ANKRD62: variants seen among roughly 807,000 people sequenced by gnomAD.
ANKRD62 encodes ankyrin repeat domain-containing protein 62.
In ANKRD62, 61 loss-of-function variants were observed where a neutral mutation model predicts 98.8. The ratio of observed to expected loss-of-function variants is 0.62; its 90% confidence interval spans 0.50 to 0.76. The LOEUF is 0.76. Ranked by LOEUF, ANKRD62 falls within the 30% of genes least tolerant of loss-of-function variation. The probability of loss-of-function intolerance (pLI) is 0.00; values close to 1 mark genes in which losing one functional copy is unlikely to be tolerated. For synonymous variants in ANKRD62, 341 were observed against 367.9 expected, an observed-to-expected ratio of 0.93 and a Z score of 0.84; for missense variants, 933 against 1,082.9, an observed-to-expected ratio of 0.86 and a Z score of 1.94.
rs75105031 is a variant in ANKRD62 at position 12,106,912 on chromosome 18, G to A, written c.892-383G>A. On this transcript the variant is annotated intron_variant, in intron 7 of 13. Transcript: ENST00000587848. ...CATCCTCTAAATCTGGCCGTTTAGT[G>A]TAAACTCCAGGAGGTAAAGATAGAA... 4.8e-3 allele frequency among the ~76,000 whole-genome samples: 736 copies of A among 152,250 alleles called. 2 individuals are homozygous for A. Among genetic ancestry groups the A allele is most frequent in the African/African-American group, 0.016 (666 of 41,550 alleles).
In ANKRD62 at chr18:12,126,400, A is replaced by G. The variant is rs1311729639; in HGVS notation, c.2562+17A>G. 8.0e-6 allele frequency: 12 copies of G among 1,493,524 alleles called. No individual in the cohort carries two copies. The highest frequency in any genetic ancestry group is 1.1e-5 in the Non-Finnish European group (12 of 1,128,122). The allele number at this position is 1,493,524 out of a possible 1,614,324, so 92.5% of individuals were successfully genotyped here. A position where few individuals can be genotyped will look rare whatever the true frequency, so the allele number is the denominator to read the frequency against. On this transcript the variant is annotated intron_variant, in intron 13 of 13. Coordinates refer to ENST00000587848, the MANE Select transcript of ANKRD62 (RefSeq NM_001277333.2). ...GAAAGAGAAGTAAGTATCAAGAAAG[A>G]TAAGTATTTTTCAAACTTCCTGAAG... is the stretch of plus-strand genomic sequence containing the variant.
chr18:12,109,107 A>G (rs1489860902), intron 8 of ANKRD62, among the ~76,000 whole-genome samples: 1 of 152,150 alleles, frequency 6.6e-6, no homozygotes, highest in Non-Finnish European at 1.5e-5. Flanking sequence ...AGCTCTTCGA[A>G]GCAGTGCCCC....
At chr18:12,172,954 GA>G in the ANKRD62 span, among the ~76,000 whole-genome samples, 22 of 152,312 alleles carry the variant, frequency 1.4e-4, no homozygotes, top group Non-Finnish European at 2.9e-5. Flanking sequence ...AAGACCATAG[GA>G]AAAGCGCAGT....
intron 8 of ANKRD62, among the ~76,000 whole-genome samples, chr18:12,111,673 C>G (rs144445016): frequency 1.3e-5 from 2 of 152,134 alleles, no homozygotes; most frequent in East Asian, 3.9e-4. Context: ...AGTGTGAGGC[C>G]AAAATCTTCT....
At chr18:12,124,007 G>A (rs1909835911) in intron 11 of ANKRD62, 130 bp from the exon 12 acceptor site, 1 of 485,616 alleles carries the variant, frequency 2.1e-6, no homozygotes, top group South Asian at 3.2e-5. Flanking sequence ...GGAAGACATC[G>A]AAGTGAGAAA....
rs1442098109 is a variant in ANKRD62, at chr18:12,097,658, T to C, written c.633T>C (p.Ala211=). The change falls in exon 5 of 14, where the codon GCT becomes GCC. Residue 211 remains alanine, a synonymous_variant. Coordinates refer to ENST00000587848, the MANE Select transcript of ANKRD62 (RefSeq NM_001277333.2). ...DNFGRTALIL[A]ARNGSTSVVY... is the part of the protein sequence containing the mutation. ...ATTTTAGAACAGCCCTGATACTTGCTGCTCGTAATGGATCAACAAGTGTAG... is the reference window on the plus strand; with the variant it reads ...ATTTTAGAACAGCCCTGATACTTGCCGCTCGTAATGGATCAACAAGTGTAG... 2 of 1,535,078 alleles carry C rather than the reference T, an allele frequency of 1.3e-6. No individual in the cohort carries two copies. The highest frequency in any genetic ancestry group is 2.0e-5 in the Admixed American group (1 of 50,866).
chr18:12,136,798 C>A, the ANKRD62 span, among the ~76,000 whole-genome samples: 1 of 152,072 alleles, frequency 6.6e-6, no homozygotes, highest in Non-Finnish European at 1.5e-5. Context: ...GTATTTTATT[C>A]TCTTTGAAGC....
At chr18:12,150,807 T>G in the ANKRD62 span, among the ~76,000 whole-genome samples, 1 of 152,178 alleles carries the variant, frequency 6.6e-6, no homozygotes, top group Non-Finnish European at 1.5e-5. Context: ...AAAGGAGCAC[T>G]AAATATAGAA....
chr18:12,137,997 C>G, the ANKRD62 span, among the ~76,000 whole-genome samples: 1 of 152,108 alleles, frequency 6.6e-6, no homozygotes, highest in Non-Finnish European at 1.5e-5. Context: ...AAAAAACCAG[C>G]TCCTGGATTC....
At chr18:12,105,298 T>A (rs1174387219) in intron 7 of ANKRD62, among the ~76,000 whole-genome samples, 1 of 152,192 alleles carries the variant, frequency 6.6e-6, no homozygotes, top group African/African-American at 2.4e-5. Flanking sequence ...AGAACTTGGA[T>A]TAGAAAATGT....
the ANKRD62 span, among the ~76,000 whole-genome samples, chr18:12,137,432 T>C: frequency 5.3e-5 from 8 of 152,176 alleles, no homozygotes; most frequent in African/African-American, 9.6e-5. Flanking sequence ...TTTTGATGTG[T>C]TGCTGGATTC....
At position 12,093,908 on chromosome 18, in the gene ANKRD62, G is replaced by C; in HGVS notation, c.-110G>C. 9.4e-7 allele frequency: 1 copy of C among 1,064,968 alleles called. No individual in the cohort carries two copies. The highest frequency in any genetic ancestry group is 1.4e-6 in the Non-Finnish European group (1 of 732,034). The allele number at this position is 1,064,968 out of a possible 1,614,324, so 66.0% of individuals were successfully genotyped here. ...TGGAGTGTCCCTGACGGAGGTTGCGGCTGGACCTGGTTACGTGCTGGTGCT... is the reference window on the plus strand; with the variant it reads ...TGGAGTGTCCCTGACGGAGGTTGCGCCTGGACCTGGTTACGTGCTGGTGCT... On this transcript the variant is annotated 5_prime_UTR_variant, in exon 1 of 14. Coordinates refer to ENST00000587848, the MANE Select transcript of ANKRD62 (RefSeq NM_001277333.2).
intron 7 of ANKRD62, among the ~76,000 whole-genome samples, chr18:12,106,839 G>A (rs1054812966): frequency 3.0e-4 from 46 of 152,228 alleles, no homozygotes; most frequent in African/African-American, 1.0e-3. Context: ...AAAGCTTACC[G>A]TAGAAAGGGG....
chr18:12,115,075 G>T lies in ANKRD62; in HGVS notation c.1065-13G>T, dbSNP rs897176064. The T allele has an allele frequency of 5.8e-5, 70 of 1,198,858 alleles. No homozygotes were observed. In the Middle Eastern group the frequency reaches 6.3e-4, roughly 11 times the overall value. 74.3% of individuals were successfully genotyped at this position (1,198,858 alleles called of 1,614,324 possible). On this transcript the variant is annotated splice_polypyrimidine_tract_variant and intron_variant, in intron 8 of 13. Coordinates refer to ENST00000587848, the MANE Select transcript of ANKRD62 (RefSeq NM_001277333.2). ...CTATTTGCCTGATTGGAATTTTTTG[G>T]TTTTTTTTTTAGGCTTGCAAGGAAA...
Position 12,109,084 on chromosome 18 carries a change from A to G in ANKRD62, c.1064+1617A>G, listed in dbSNP as rs180973385. Among the ~76,000 whole-genome samples the G allele has an allele frequency of 4.6e-5, 7 of 152,294 alleles. No individual in the cohort carries two copies. The East Asian group carries it at 1.4e-3, about 30-fold the overall frequency. On this transcript the variant is annotated intron_variant, in intron 8 of 13. Transcript: ENST00000587848. Reference sequence around the variant, plus strand: ...CCTTTCTGGGGTCTGGAAGATGGTCACCATCTTCTCACAGCTCTTCGAAGC... The same window carrying G: ...CCTTTCTGGGGTCTGGAAGATGGTCGCCATCTTCTCACAGCTCTTCGAAGC...
chr18:12,166,937 T>C, the ANKRD62 span, among the ~76,000 whole-genome samples: 3,099 of 151,014 alleles, frequency 0.021, 84 homozygotes, highest in African/African-American at 0.066. Flanking sequence ...GGTGTTCTCA[T>C]TGTTCAGTTC....
the ANKRD62 span, among the ~76,000 whole-genome samples, chr18:12,156,833 A>C: frequency 6.6e-6 from 1 of 152,196 alleles, no homozygotes; most frequent in Non-Finnish European, 1.5e-5. Context: ...TCATTGCTTG[A>C]TTGAAAATGT....
chr18:12,153,498 A>C, the ANKRD62 span, among the ~76,000 whole-genome samples: 10 of 151,820 alleles, frequency 6.6e-5, no homozygotes, highest in Non-Finnish European at 5.9e-5. Flanking sequence ...AGGCTGAAGC[A>C]AGAGAATCGC....
At chr18:12,110,009 A>T (rs1293065056) in intron 8 of ANKRD62, among the ~76,000 whole-genome samples, 1 of 151,312 alleles carries the variant, frequency 6.6e-6, no homozygotes, top group East Asian at 1.9e-4. Context: ...GGCACACACT[A>T]TTAATTTGCT....
Sources: gnomAD v4.1 joint callset for allele counts (sites outside exome capture counted in the v4.1 genomes callset) on GRCh38, gnomAD v4.1.1 for gene constraint, MANE v1.5 for transcripts, NCBI Gene and HGNC (gene_info 2026-07-23, HGNC 2026-07-21) for gene names.